The following RBFOX1 variants were observed in gnomAD, a reference collection of about 807,000 sequenced individuals.
The protein encoded by RBFOX1 is RNA binding protein fox-1 homolog 1.
Under a neutral mutation model 57.7 loss-of-function variants are expected in RBFOX1, and 8 were observed. The ratio of observed to expected loss-of-function variants is 0.14; its 90% CI spans 0.08 to 0.25. The LOEUF (loss-of-function observed/expected upper bound fraction) is 0.25, where lower values mean the gene tolerates loss of function less well. RBFOX1 is among the 10% of genes least tolerant of loss of function. The probability of loss-of-function intolerance (pLI) is 1.00; values close to 1 mark genes in which losing one functional copy is unlikely to be tolerated. For synonymous variants in RBFOX1, 326 were observed against 222.4 expected (o/e 1.47, Z -4.15); for missense variants, 611 against 548.5 (o/e 1.11, Z -1.14).
At chr16:6,113,992 C>T (rs2096472625) in intron 1 of RBFOX1, among the ~76,000 whole-genome samples, 1 of 152,162 alleles carries the variant, frequency 6.6e-6, no homozygotes, top group Non-Finnish European at 1.5e-5. Context: ...AGAGGTTTCA[C>T]TTAGGACTAA....
At chr16:7,406,252 T>C (rs1333735334) in intron 4 of RBFOX1, among the ~76,000 whole-genome samples, 3 of 152,188 alleles carry the variant, frequency 2.0e-5, no homozygotes, top group Non-Finnish European at 4.4e-5. Flanking sequence ...AGAGTTGCCA[T>C]ATGCCATGGG....
At chr16:6,267,451 C>G (rs377172651) in intron 1 of RBFOX1, among the ~76,000 whole-genome samples, 135 of 152,258 alleles carry the variant, frequency 8.9e-4, no homozygotes, top group Middle Eastern at 3.4e-3. Context: ...TTATCTCTTT[C>G]TCTGTAGCCT....
chr16:5,350,909 T>G (rs1408349164), intron 1 of RBFOX1, among the ~76,000 whole-genome samples: 1 of 151,808 alleles, frequency 6.6e-6, no homozygotes, highest in Non-Finnish European at 1.5e-5. Flanking sequence ...ATAATCATAA[T>G]GCATCTCGCA....
Position 7,203,947 on chromosome 16 carries a change from A to C in RBFOX1, c.27+151849A>C, listed in dbSNP as rs556203373. On this transcript the variant is annotated intron_variant, in intron 4 of 15. Transcript: ENST00000550418. ...TTTACATATGATTTGCATCTGCTTT[A>C]CATAGGGCTGTACAAGCTGTGCTGT... 3.9e-5 allele frequency among the ~76,000 whole-genome samples: 6 copies of C among 152,378 alleles called. No individual in the cohort carries two copies. The South Asian group carries it at 1.2e-3, about 32-fold the overall frequency.
intron 4 of RBFOX1, among the ~76,000 whole-genome samples, chr16:7,082,440 G>T (rs2059342037): frequency 6.6e-6 from 1 of 151,896 alleles, no homozygotes; most frequent in Non-Finnish European, 1.5e-5. Flanking sequence ...AAATTAGCTG[G>T]ATGTGGTGGC....
chr16:7,385,717 G>T (rs1316146189), intron 4 of RBFOX1, among the ~76,000 whole-genome samples: 1 of 152,070 alleles, frequency 6.6e-6, no homozygotes, highest in Non-Finnish European at 1.5e-5. Context: ...GTTTGTCATG[G>T]TGGTTATTAT....
chr16:7,520,137 G>A (rs890294120), intron 5 of RBFOX1, among the ~76,000 whole-genome samples: 15 of 149,478 alleles, frequency 1.0e-4, no homozygotes, highest in South Asian at 2.1e-4. Context: ...TGCCTGTCTC[G>A]GCCTCCCAAA....
At chr16:6,176,491 G>A (rs986810396) in intron 1 of RBFOX1, among the ~76,000 whole-genome samples, 1 of 149,534 alleles carries the variant, frequency 6.7e-6, no homozygotes, top group Non-Finnish European at 1.5e-5. Context: ...AAGTTGCTGT[G>A]CCTCCTTTCT....
At chr16:7,417,201 C>G (rs1375680098) in intron 4 of RBFOX1, among the ~76,000 whole-genome samples, 6 of 151,966 alleles carry the variant, frequency 3.9e-5, no homozygotes, top group Admixed American at 2.6e-4. Context: ...GAAACCCCAT[C>G]TCTACTAAAA....
chr16:7,590,611 GCACTTTGGGAGGCCGAGGCAGGCGGAT>G (rs369337080), intron 7 of RBFOX1, among the ~76,000 whole-genome samples: 1 of 152,142 alleles, frequency 6.6e-6, no homozygotes, highest in African/African-American at 2.4e-5. Context: ...TGTAATCCCA[GCACTTTGGGAGGCCGAGGCAGGCGGAT>G]CACCTGAGGT....
intron 4 of RBFOX1, among the ~76,000 whole-genome samples, chr16:5,869,516 C>T (rs1376085447): frequency 1.3e-5 from 2 of 152,132 alleles, no homozygotes; most frequent in African/African-American, 2.4e-5. Context: ...ATTCTCCTGC[C>T]TCAGCCTCCC....
chr16:6,135,114 C>T (rs1247125530), intron 1 of RBFOX1, among the ~76,000 whole-genome samples: 5 of 151,942 alleles, frequency 3.3e-5, no homozygotes, highest in South Asian at 2.1e-4. Flanking sequence ...TTTGTCCTTG[C>T]GATAGTTTGC....
intron 4 of RBFOX1, among the ~76,000 whole-genome samples, chr16:7,147,276 A>G (rs1415425411): frequency 6.6e-6 from 1 of 151,352 alleles, no homozygotes; most frequent in Non-Finnish European, 1.5e-5. Context: ...AAGTGCTGGG[A>G]TTACAGGCAT....
chr16:7,105,787 G>GAC (rs766817244), intron 4 of RBFOX1, among the ~76,000 whole-genome samples: 2 of 88,656 alleles, frequency 2.3e-5, no homozygotes, highest in East Asian at 6.5e-4. Context: ...GATGTATATA[G>GAC]AGATAGATAG....
At chr16:5,399,557 GGCAA>G (rs2066655580) in intron 1 of RBFOX1, among the ~76,000 whole-genome samples, 1 of 151,790 alleles carries the variant, frequency 6.6e-6, no homozygotes, top group Admixed American at 6.6e-5. Context: ...TGGGAAACAT[GGCAA>G]GACCCTGCAA....
intron 1 of RBFOX1, among the ~76,000 whole-genome samples, chr16:6,256,237 ATATATATATGTATATATATGTG>A (rs2097664735): frequency 1.2e-5 from 1 of 84,350 alleles, no homozygotes; most frequent in African/African-American, 5.5e-5. Flanking sequence ...ATATATGTGT[ATATATATATGTATATATATGTG>A]TATATATATA....
chr16:6,152,108 T>C (rs2152726154), intron 1 of RBFOX1, among the ~76,000 whole-genome samples: 1 of 152,314 alleles, frequency 6.6e-6, no homozygotes, highest in South Asian at 2.1e-4. Context: ...CCTGAAGATC[T>C]AGGTATCCAT....
chr16:7,202,159 A>G (rs573106461), intron 4 of RBFOX1, among the ~76,000 whole-genome samples: 5 of 152,184 alleles, frequency 3.3e-5, no homozygotes, highest in African/African-American at 7.2e-5. Flanking sequence ...AAGGACTTGA[A>G]TAGACATTTC....
chr16:7,527,628 G>T (rs1264015850), intron 5 of RBFOX1, among the ~76,000 whole-genome samples: 1 of 152,132 alleles, frequency 6.6e-6, no homozygotes, highest in Non-Finnish European at 1.5e-5. Flanking sequence ...GTCTGACCCA[G>T]AGTGGGACCA....
Sources: allele counts gnomAD v4.1 joint callset (sites outside exome capture counted in the v4.1 genomes callset), GRCh38; gene constraint gnomAD v4.1.1; transcripts MANE v1.5; gene names NCBI Gene and HGNC (gene_info 2026-07-23, HGNC 2026-07-21).